The following KSR2 variants were observed in gnomAD, a reference collection of about 807,000 sequenced individuals.
KSR2 encodes the protein kinase suppressor of ras 2.
Under a neutral mutation model 107.8 loss-of-function variants are expected in KSR2, and 25 were observed. The observed-to-expected ratio is 0.23, with a 90% CI of 0.17 to 0.32. The LOEUF (loss-of-function observed/expected upper bound fraction) is 0.32. KSR2 is among the 10% of genes least tolerant of loss of function. The probability of loss-of-function intolerance (pLI) is 1.00; values close to 1 mark genes in which losing one functional copy is unlikely to be tolerated. For synonymous variants in KSR2, 480 were observed against 507.0 expected (o/e 0.95, Z 0.71); for missense variants, 887 against 1,268.9 (o/e 0.70, Z 4.57).
intron 4 of KSR2, among the ~76,000 whole-genome samples, chr12:117,680,467 C>T (rs1047268591): frequency 2.0e-5 from 3 of 152,192 alleles, no homozygotes; most frequent in African/African-American, 7.2e-5. Flanking sequence ...GACACGGCTG[C>T]TCTAAACAAT....
At position 117,469,491 on chromosome 12, in the gene KSR2, A is replaced by C. The variant is rs1292599968; in HGVS notation, c.2846+171T>G. On this transcript the variant is annotated intron_variant, in intron 19 of 19. Coordinates refer to ENST00000339824, the MANE Select transcript of KSR2 (RefSeq NM_173598.6). ...GGACAGACTCCAGCACCCAAACCCC[A>C]AAACAGACTCCATTGAACAGAAACC... is the stretch of plus-strand genomic sequence containing the variant. Among the ~76,000 whole-genome samples, 5 of 152,154 alleles carry C rather than the reference A, an allele frequency of 3.3e-5. No individual in the cohort carries two copies. The South Asian group carries it at 1.0e-3, about 32-fold the overall frequency.
intron 18 of KSR2, 71 bp downstream of exon 18, chr12:117,471,120 T>C: frequency 6.4e-7 from 1 of 1,567,728 alleles, no homozygotes; most frequent in East Asian, 2.3e-5. Context: ...TAACACATAG[T>C]AAAAAGAAGG....
At chr12:117,847,321 G>C (rs941614733) in intron 3 of KSR2, among the ~76,000 whole-genome samples, 3 of 152,250 alleles carry the variant, frequency 2.0e-5, no homozygotes, top group African/African-American at 7.2e-5. Flanking sequence ...AAACTGGGAA[G>C]AAGCCAGAGG....
chr12:117,561,321 A>C (rs893076384), intron 7 of KSR2, among the ~76,000 whole-genome samples: 1 of 152,242 alleles, frequency 6.6e-6, no homozygotes, highest in African/African-American at 2.4e-5. Flanking sequence ...GTTGGTCATG[A>C]ATGTCATAAA....
chr12:117,739,831 G>A (rs1393443015), intron 4 of KSR2, among the ~76,000 whole-genome samples: 1 of 152,016 alleles, frequency 6.6e-6, no homozygotes, highest in Non-Finnish European at 1.5e-5. Flanking sequence ...CAAACTCAGA[G>A]AAGAGTAGTA....
chr12:117,514,841 C>T (rs1489927152), intron 14 of KSR2, among the ~76,000 whole-genome samples: 1 of 152,036 alleles, frequency 6.6e-6, no homozygotes, highest in Non-Finnish European at 1.5e-5. Context: ...AGCCACCGCA[C>T]CCGGTCAGAT....
intron 4 of KSR2, among the ~76,000 whole-genome samples, chr12:117,702,162 A>T (rs1021047726): frequency 1.3e-5 from 2 of 152,144 alleles, no homozygotes; most frequent in African/African-American, 4.8e-5. Flanking sequence ...TCCACACTTC[A>T]GACAGCAGTT....
intron 1 of KSR2, among the ~76,000 whole-genome samples, chr12:117,944,315 G>A (rs1001011044): frequency 3.3e-5 from 5 of 152,308 alleles, no homozygotes; most frequent in Admixed American, 6.5e-5. Flanking sequence ...GACGGAGGTT[G>A]CGGTGAGCCG....
intron 4 of KSR2, among the ~76,000 whole-genome samples, chr12:117,684,272 T>C (rs1885481807): frequency 6.6e-6 from 1 of 152,238 alleles, no homozygotes; most frequent in Admixed American, 6.5e-5. Flanking sequence ...TTGATGAGTA[T>C]GGGCCTCTCC....
At chr12:117,927,858 A>G (rs1895577447) in intron 1 of KSR2, among the ~76,000 whole-genome samples, 1 of 152,142 alleles carries the variant, frequency 6.6e-6, no homozygotes, top group Non-Finnish European at 1.5e-5. Flanking sequence ...AACATAAAAT[A>G]CACCATTTAA....
intron 7 of KSR2, among the ~76,000 whole-genome samples, chr12:117,562,810 G>A (rs185305049): frequency 1.3e-5 from 2 of 152,144 alleles, no homozygotes; most frequent in South Asian, 2.1e-4. Flanking sequence ...CCAGCCAGGG[G>A]CTTCGGTGGG....
intron 1 of KSR2, among the ~76,000 whole-genome samples, chr12:117,861,260 G>C (rs901157047): frequency 6.6e-6 from 1 of 151,902 alleles, no homozygotes; most frequent in Admixed American, 6.6e-5. Flanking sequence ...CTGCCAGAGA[G>C]CAGTCTCCAG....
intron 3 of KSR2, 134 bp downstream of exon 3, chr12:117,855,294 C>T: frequency 8.7e-7 from 1 of 1,146,122 alleles, no homozygotes; most frequent in Non-Finnish European, 1.2e-6. Context: ...CTGCCTCTTC[C>T]TGCGTTTCGG....
In KSR2 at chr12:117,872,057, G is replaced by A. The variant is rs550992969; in HGVS notation, c.181-11626C>T. Reference sequence around the variant, plus strand: ...TAAAGACACACAGGCCATCCTTAATGTCAGCCATCTCATTAAATAAGTATG... The same window carrying A: ...TAAAGACACACAGGCCATCCTTAATATCAGCCATCTCATTAAATAAGTATG... On this transcript the variant is annotated intron_variant, in intron 1 of 19. Transcript: ENST00000339824. Among the ~76,000 whole-genome samples the A allele has an allele frequency of 2.6e-5, 4 of 152,278 alleles. No homozygotes were observed. In the East Asian group the frequency reaches 7.7e-4, roughly 29 times the overall value.
At chr12:117,538,101 G>A (rs1040191128) in intron 10 of KSR2, among the ~76,000 whole-genome samples, 1 of 81,350 alleles carries the variant, frequency 1.2e-5, no homozygotes, top group East Asian at 2.9e-4. Context: ...AAGTCTAACG[G>A]TCTTTTTTTT....
chr12:117,560,940 A>G (rs1478535228), intron 7 of KSR2, among the ~76,000 whole-genome samples: 2 of 152,226 alleles, frequency 1.3e-5, no homozygotes, highest in African/African-American at 2.4e-5. Flanking sequence ...CCATACTTGT[A>G]CAGCCTGCAG....
rs377054023 is a variant in KSR2, at chr12:117,539,780, C to T, written c.1626G>A (p.Pro542=). 157 of 1,606,174 alleles carry T rather than the reference C, an allele frequency of 9.8e-5. No homozygotes were observed. The East Asian group carries it at 2.1e-3, about 21-fold the overall frequency. ...PAPPLPPSAT[P]PSPLHPSPQC... ...GTGGGGAAGGGTGTAGGGGAGAAGG[C>T]GGCGTGGCACTAGGAGGGAGGGGGG... The change falls in exon 10 of 20, where the codon CCG becomes CCA. Residue 542 remains proline, a synonymous_variant. Transcript: ENST00000339824.
intron 1 of KSR2, among the ~76,000 whole-genome samples, chr12:117,878,490 A>C (rs1893935074): frequency 6.6e-6 from 1 of 152,118 alleles, no homozygotes; most frequent in Non-Finnish European, 1.5e-5. Flanking sequence ...AAATAAAATA[A>C]AAATTGGTGG....
intron 1 of KSR2, among the ~76,000 whole-genome samples, chr12:117,891,390 T>G: frequency 1.3e-5 from 2 of 149,874 alleles, no homozygotes; most frequent in East Asian, 2.0e-4. Flanking sequence ...CACTCCAGCC[T>G]GGACAACAAG....
Sources: allele counts gnomAD v4.1 joint callset (sites outside exome capture counted in the v4.1 genomes callset), GRCh38; gene constraint gnomAD v4.1.1; transcripts MANE v1.5; gene names NCBI Gene and HGNC (gene_info 2026-07-23, HGNC 2026-07-21).